Variants in PTPRD observed in about 807,000 individuals in gnomAD.
The protein encoded by PTPRD is receptor-type tyrosine-protein phosphatase delta.
Under a neutral mutation model 214.5 loss-of-function variants are expected in PTPRD, and 34 were observed. The ratio of observed to expected loss-of-function variants is 0.16; its 90% CI spans 0.12 to 0.21. PTPRD has a LOEUF of 0.21. PTPRD is among the 10% of genes least tolerant of loss of function. The pLI, the probability that PTPRD is intolerant of heterozygous loss-of-function variation, is 1.00. For synonymous variants in PTPRD, 1,128 were observed against 845.7 expected (o/e 1.33, Z -5.79); for missense variants, 2,545 against 2,398.7 (o/e 1.06, Z -1.27).
chr9:9,055,717 T>C (rs1192916209), intron 10 of PTPRD, among the ~76,000 whole-genome samples: 1 of 151,200 alleles, frequency 6.6e-6, no homozygotes, highest in Non-Finnish European at 1.5e-5. Flanking sequence ...CATAAATATT[T>C]TATATATATT....
chr9:8,754,752 C>G (rs536277871), intron 11 of PTPRD, among the ~76,000 whole-genome samples: 1 of 152,152 alleles, frequency 6.6e-6, no homozygotes, highest in Non-Finnish European at 1.5e-5. Flanking sequence ...TTTAAAATGT[C>G]TGTTCATCCA....
intron 8 of PTPRD, among the ~76,000 whole-genome samples, chr9:9,438,025 A>G (rs1030349117): frequency 3.3e-5 from 5 of 152,138 alleles, no homozygotes. Context: ...CTTTCTCCTT[A>G]GCCTGAAGTT....
At chr9:9,957,942 C>A (rs184088615) in intron 4 of PTPRD, among the ~76,000 whole-genome samples, 1 of 151,618 alleles carries the variant, frequency 6.6e-6, no homozygotes. Flanking sequence ...GTCAACTGAT[C>A]TTTGACAAAA....
At chr9:8,456,464 A>G (rs909607957) in intron 33 of PTPRD, among the ~76,000 whole-genome samples, 1 of 152,146 alleles carries the variant, frequency 6.6e-6, no homozygotes, top group Non-Finnish European at 1.5e-5. Flanking sequence ...GAGTGACAGG[A>G]AAGGCATTCC....
chr9:8,705,329 C>G (rs1211472333), intron 12 of PTPRD, among the ~76,000 whole-genome samples: 1 of 152,158 alleles, frequency 6.6e-6, no homozygotes, highest in Admixed American at 6.5e-5. Context: ...CTGTGATTCT[C>G]CTGCCTCAGC....
chr9:8,593,480 G>A (rs899682818), intron 14 of PTPRD, among the ~76,000 whole-genome samples: 4 of 152,136 alleles, frequency 2.6e-5, no homozygotes, highest in African/African-American at 9.7e-5. Flanking sequence ...CTCAAATAAG[G>A]AGATATAACT....
intron 8 of PTPRD, among the ~76,000 whole-genome samples, chr9:9,435,659 A>G (rs975882667): frequency 4.6e-5 from 7 of 152,178 alleles, no homozygotes; most frequent in African/African-American, 7.2e-5. Context: ...TAAAAGTTGC[A>G]TATATCATAT....
intron 12 of PTPRD, among the ~76,000 whole-genome samples, chr9:8,655,844 C>T (rs969472633): frequency 1.3e-5 from 2 of 151,680 alleles, no homozygotes; most frequent in Non-Finnish European, 2.9e-5. Flanking sequence ...TCCAAACTCA[C>T]CCAAACCATT....
intron 39 of PTPRD, among the ~76,000 whole-genome samples, chr9:8,372,868 C>T (rs963506170): frequency 6.6e-6 from 1 of 151,936 alleles, no homozygotes; most frequent in Non-Finnish European, 1.5e-5. Flanking sequence ...CCAGCCTGAC[C>T]TTTTTTGGGC....
At chr9:10,541,297 G>C (rs938546126) in intron 2 of PTPRD, among the ~76,000 whole-genome samples, 5 of 152,144 alleles carry the variant, frequency 3.3e-5, no homozygotes, top group African/African-American at 9.7e-5. Context: ...AAAGATGTCA[G>C]TTCCTGTCAT....
chr9:9,765,928 C>G (rs1453122625), intron 6 of PTPRD, among the ~76,000 whole-genome samples: 2 of 152,192 alleles, frequency 1.3e-5, no homozygotes, highest in Non-Finnish European at 2.9e-5. Context: ...TCCCAAAGTG[C>G]TGGGATTACA....
At chr9:8,831,739 T>G (rs2097296273) in intron 11 of PTPRD, among the ~76,000 whole-genome samples, 1 of 152,220 alleles carries the variant, frequency 6.6e-6, no homozygotes, top group South Asian at 2.1e-4. Flanking sequence ...GAAAATTCTC[T>G]GCTATTGGTT....
chr9:9,281,428 T>G (rs549486955), intron 9 of PTPRD, among the ~76,000 whole-genome samples: 1 of 151,178 alleles, frequency 6.6e-6, no homozygotes, highest in South Asian at 2.1e-4. Flanking sequence ...ATTGAAAAAA[T>G]GGACAAAATA....
intron 9 of PTPRD, among the ~76,000 whole-genome samples, chr9:9,378,296 T>C (rs1191588539): frequency 1.3e-5 from 2 of 152,152 alleles, no homozygotes; most frequent in East Asian, 1.9e-4. Context: ...CTTTTTCAGA[T>C]GGCCTTTTTT....
intron 8 of PTPRD, among the ~76,000 whole-genome samples, chr9:9,431,189 A>G (rs2082956045): frequency 6.6e-6 from 1 of 152,158 alleles, no homozygotes; most frequent in Admixed American, 6.6e-5. Flanking sequence ...TCTACAAAGA[A>G]CTTAAACAAA....
rs187887491 is a variant in PTPRD, at chr9:8,408,427, C to T, written c.4087-3767G>A. On this transcript the variant is annotated intron_variant, in intron 35 of 45. Coordinates refer to ENST00000381196, the MANE Select transcript of PTPRD (RefSeq NM_002839.4). ...AATAATCTTCCATGGGATACCCTTG[C>T]CTTCCCAGCACTCAATCTGAAGTTT... Among the ~76,000 whole-genome samples, 8 of 152,218 alleles carry T rather than the reference C, an allele frequency of 5.3e-5. No individual in the cohort carries two copies. In the East Asian group the frequency reaches 1.4e-3, roughly 26 times the overall value.
chr9:9,411,609 T>C (rs2075457629), intron 8 of PTPRD, among the ~76,000 whole-genome samples: 1 of 152,188 alleles, frequency 6.6e-6, no homozygotes, highest in Non-Finnish European at 1.5e-5. Flanking sequence ...GAGAGCTAAA[T>C]TGTTGTATGC....
At chr9:8,698,402 T>C (rs2097979966) in intron 12 of PTPRD, among the ~76,000 whole-genome samples, 2 of 152,312 alleles carry the variant, frequency 1.3e-5, no homozygotes, top group South Asian at 4.1e-4. Flanking sequence ...TAAATGTTCT[T>C]GAGAAAGGAT....
intron 3 of PTPRD, among the ~76,000 whole-genome samples, chr9:10,105,727 T>C (rs1274981233): frequency 1.3e-5 from 2 of 151,824 alleles, no homozygotes; most frequent in African/African-American, 4.8e-5. Flanking sequence ...TATTATTGTA[T>C]ATAAGAAGCT....
Sources: gnomAD v4.1 joint callset for allele counts (sites outside exome capture counted in the v4.1 genomes callset) on GRCh38, gnomAD v4.1.1 for gene constraint, MANE v1.5 for transcripts, NCBI Gene and HGNC (gene_info 2026-07-23, HGNC 2026-07-21) for gene names.